Variants in DLGAP5 observed in about 807,000 individuals in gnomAD.
DLGAP5 encodes DLG associated protein 5.
In DLGAP5, 90 loss-of-function variants were observed where a neutral mutation model predicts 99.6. The ratio of observed to expected loss-of-function variants is 0.90; its 90% CI spans 0.76 to 1.08. The LOEUF is 1.08. Ranked by LOEUF, DLGAP5 falls within the 50% of genes least tolerant of loss-of-function variation. The probability of loss-of-function intolerance (pLI) is 0.00; values close to 1 mark genes in which losing one functional copy is unlikely to be tolerated. For synonymous variants in DLGAP5, 311 were observed against 321.3 expected (o/e 0.97, Z 0.34); for missense variants, 1,036 against 983.5 (o/e 1.05, Z -0.71).
chr14:55,188,721 T>C (rs1362568806), intron 2 of DLGAP5, among the ~76,000 whole-genome samples: 1 of 142,652 alleles, frequency 7.0e-6, no homozygotes, highest in Non-Finnish European at 1.5e-5. Context: ...GAGGTTACAG[T>C]GAGCACACCA....
intron 12 of DLGAP5, among the ~76,000 whole-genome samples, chr14:55,167,354 A>T (rs59700273): frequency 0.082 from 12,541 of 152,224 alleles, 1,389 homozygotes; most frequent in African/African-American, 0.25. Context: ...AACAATCAGA[A>T]TTGAAGGGTG....
chr14:55,172,511 CAT>C (rs1882896101), intron 10 of DLGAP5, among the ~76,000 whole-genome samples: 1 of 151,794 alleles, frequency 6.6e-6, no homozygotes, highest in African/African-American at 2.4e-5. Flanking sequence ...TAGAAACAGA[CAT>C]AGTCCCAGCT....
At chr14:55,178,664 T>G (rs920713272) in intron 7 of DLGAP5, among the ~76,000 whole-genome samples, 8 of 152,230 alleles carry the variant, frequency 5.3e-5, no homozygotes, top group African/African-American at 1.9e-4. Flanking sequence ...CTGTGAAGAT[T>G]CACTGTGTGT....
At position 55,151,943 on chromosome 14, in the gene DLGAP5, T is replaced by G; in HGVS notation, c.2122-2A>C. 1 of 1,605,034 alleles carries G rather than the reference T, an allele frequency of 6.2e-7. No homozygotes were observed. Among genetic ancestry groups the G allele is most frequent in the Non-Finnish European group, 8.5e-7 (1 of 1,176,750 alleles). On this transcript the variant is annotated splice_acceptor_variant, in intron 16 of 18. Transcript: ENST00000247191. LOFTEE classifies it high-confidence loss of function. ...CTTCAAGTCTGTCTTATTTACAACC[T>G]GGAAGTAAAAATGGCATTATATTTA...
In DLGAP5 at chr14:55,189,023, G is replaced by C. The variant is rs182564694; in HGVS notation, c.157C>G (p.Pro53Ala). ...ACAAGAATTCTACCTTCCAAGGTTG[G>C]AATGTTTACATCTTTCAAACCAAAG... ...RHFGLKDVNI[P>A]TLEGRILVEL... Residue 53 changes from proline (P) to alanine (A), a missense_variant, in exon 2 of 19, where the codon CCA (proline) becomes GCA (alanine). Coordinates refer to ENST00000247191, the MANE Select transcript of DLGAP5 (RefSeq NM_014750.5). 3 of 1,613,864 alleles carry C rather than the reference G, an allele frequency of 1.9e-6. No homozygotes were observed. The highest frequency in any genetic ancestry group is 1.7e-5 in the Admixed American group (1 of 59,996).
chr14:55,172,779 C>G (rs921781386), intron 10 of DLGAP5, among the ~76,000 whole-genome samples: 10 of 151,748 alleles, frequency 6.6e-5, no homozygotes, highest in Non-Finnish European at 1.3e-4. Context: ...GTCAGGAGTT[C>G]GAGACCAGCT....
rs1883343912 is a variant in DLGAP5 at position 55,183,676 on chromosome 14, A to G, written c.316T>C (p.Leu106=). The G allele has an allele frequency of 1.2e-6, 2 of 1,612,258 alleles. No homozygotes were observed. The highest frequency in any genetic ancestry group is 1.7e-5 in the Admixed American group (1 of 59,622). Residue 106 remains leucine (L), a synonymous_variant, in exon 3 of 19, where the codon TTG becomes CTG. Coordinates refer to ENST00000247191, the MANE Select transcript of DLGAP5 (RefSeq NM_014750.5). ...TTAGCTTTCTCTCTCTGCTCTTTCA[A>G]TTTTTGAAGTTGCTTTTCTTCTTTG... The part of the protein sequence containing the change: ...KYKEEKQLQK[L]KEQREKAKRG...
At chr14:55,182,923 T>G (rs904876474) in intron 3 of DLGAP5, among the ~76,000 whole-genome samples, 2 of 152,196 alleles carry the variant, frequency 1.3e-5, no homozygotes, top group Non-Finnish European at 2.9e-5. Flanking sequence ...TTTTTACTAA[T>G]ATCTAGGTGG....
In DLGAP5 at chr14:55,171,062, G is replaced by T. The variant is rs566958771; in HGVS notation, c.1302-275C>A. Among the ~76,000 whole-genome samples the T allele has an allele frequency of 3.3e-5, 5 of 152,254 alleles. No homozygotes were observed. In the South Asian group the frequency reaches 1.0e-3, roughly 32 times the overall value. ...TAAGCTAACATTTCTAGTTTGTTCT[G>T]TTCTTTTTCAGAGGTTGATCAAAGT... On this transcript the variant is annotated intron_variant, in intron 10 of 18. Coordinates refer to ENST00000247191, the MANE Select transcript of DLGAP5 (RefSeq NM_014750.5).
intron 13 of DLGAP5, among the ~76,000 whole-genome samples, chr14:55,160,046 T>C (rs867998539): frequency 6.6e-6 from 1 of 151,644 alleles, no homozygotes; most frequent in East Asian, 1.9e-4. Flanking sequence ...CCACTAAAAA[T>C]ACAAAAAATT....
At chr14:55,170,136 A>AAATAAT (rs150651214) in intron 11 of DLGAP5, among the ~76,000 whole-genome samples, 2 of 151,432 alleles carry the variant, frequency 1.3e-5, no homozygotes, top group African/African-American at 4.8e-5. Flanking sequence ...ACTCATCTTA[A>AAATAAT]AATAATAATA....
At chr14:55,186,848 T>C (rs922055317) in intron 2 of DLGAP5, among the ~76,000 whole-genome samples, 1 of 152,240 alleles carries the variant, frequency 6.6e-6, no homozygotes, top group African/African-American at 2.4e-5. Context: ...GTTTCTAGGA[T>C]AGCACGTTCT....
intron 10 of DLGAP5, among the ~76,000 whole-genome samples, chr14:55,173,953 T>A (rs28676392): frequency 0.16 from 24,789 of 152,070 alleles, 2,913 homozygotes; most frequent in African/African-American, 0.33. Context: ...GTTTGAGCAA[T>A]ATGAAATGTG....
chr14:55,154,933 T>C (rs1158376280), intron 14 of DLGAP5, 127 bp from the exon 15 acceptor site: 8 of 768,960 alleles, frequency 1.0e-5, no homozygotes, highest in Non-Finnish European at 1.4e-5. Flanking sequence ...TAAAGACAAA[T>C]GCCTGGGACT....
chr14:55,148,285 T>A lies in DLGAP5; in HGVS notation c.*66A>T, dbSNP rs1442133073. On this transcript the variant is annotated 3_prime_UTR_variant, in exon 19 of 19. Coordinates refer to ENST00000247191, the MANE Select transcript of DLGAP5 (RefSeq NM_014750.5). ...ACACAAATACATTTTCTCCAAAATTTCAATAGTCTAAGGAATATATAAGCA... is the reference window on the plus strand; with the variant it reads ...ACACAAATACATTTTCTCCAAAATTACAATAGTCTAAGGAATATATAAGCA... 6.6e-7 allele frequency: 1 copy of A among 1,513,060 alleles called. No homozygotes were observed. The highest frequency in any genetic ancestry group is 9.0e-7 in the Non-Finnish European group (1 of 1,110,028). The allele number at this position is 1,513,060 out of a possible 1,614,324, so 93.7% of individuals were successfully genotyped here. A position where few individuals can be genotyped will look rare whatever the true frequency, so the allele number is the denominator to read the frequency against.
At chr14:55,184,764 C>G (rs1277045207) in intron 2 of DLGAP5, among the ~76,000 whole-genome samples, 2 of 152,198 alleles carry the variant, frequency 1.3e-5, no homozygotes, top group South Asian at 4.1e-4. Flanking sequence ...ACTTGCTGTT[C>G]ATGTGAGTCA....
intron 17 of DLGAP5, among the ~76,000 whole-genome samples, chr14:55,151,344 A>G (rs936901855): frequency 1.2e-5 from 1 of 86,506 alleles, no homozygotes; most frequent in Non-Finnish European, 3.2e-5. Flanking sequence ...AAGGACAACT[A>G]AAAAAAAAGC....
chr14:55,160,290 G>A (rs1882372035), intron 13 of DLGAP5, among the ~76,000 whole-genome samples: 1 of 151,682 alleles, frequency 6.6e-6, no homozygotes, highest in Admixed American at 6.6e-5. Context: ...AGCTACTTGG[G>A]AGGCTGAGAC....
rs371837833 is a variant in DLGAP5 at position 55,151,718 on chromosome 14, C to T, written c.2345G>A (p.Gly782Glu). 54 of 1,612,776 alleles carry T rather than the reference C, an allele frequency of 3.3e-5. 1 individual carries two copies. The highest frequency in any genetic ancestry group is 2.2e-5 in the Non-Finnish European group (26 of 1,179,600). Residue 782 changes from glycine (G) to glutamate (E), a missense_variant, in exon 17 of 19, where the codon GGG becomes GAG. Transcript: ENST00000247191. The stretch of plus-strand genomic sequence containing the variant: ...ACCTGACTGAGAAATTTTAGTTTCC[C>T]CTTCTTCTAAGATGCTATTTTGTGA... Reference protein sequence around the residue: ...TASQNSILEEGETKISQSELF... With the variant: ...TASQNSILEEEETKISQSELF...
Sources: gnomAD v4.1 joint callset for allele counts (sites outside exome capture counted in the v4.1 genomes callset) on GRCh38, gnomAD v4.1.1 for gene constraint, MANE v1.5 for transcripts, NCBI Gene and HGNC (gene_info 2026-07-23, HGNC 2026-07-21) for gene names.